The following FHOD3 variants were observed in gnomAD, a reference collection of about 807,000 sequenced individuals.
The protein encoded by FHOD3 is FH1/FH2 domain-containing protein 3.
In FHOD3, 90 loss-of-function variants were observed where a neutral mutation model predicts 173.0. The observed-to-expected ratio is 0.52, with a 90% CI of 0.44 to 0.62. The LOEUF (loss-of-function observed/expected upper bound fraction) is 0.62. Ranked by LOEUF, FHOD3 falls within the 20% of genes least tolerant of loss-of-function variation. The pLI is 0.00. For synonymous variants in FHOD3, 828 were observed against 823.0 expected, an observed-to-expected ratio of 1.01 and a Z score of -0.10; for missense variants, 1,945 against 2,034.7, an observed-to-expected ratio of 0.96 and a Z score of 0.85.
intron 3 of FHOD3, among the ~76,000 whole-genome samples, chr18:36,448,404 T>C (rs751202822): frequency 2.2e-4 from 34 of 152,202 alleles, no homozygotes; most frequent in Non-Finnish European, 4.3e-4. Context: ...GTCACACATT[T>C]ATTTTAACAA....
intron 23 of FHOD3, 47 bp downstream of exon 23, chr18:36,744,240 C>G (rs376601445): frequency 6.4e-7 from 1 of 1,573,524 alleles, no homozygotes; most frequent in South Asian, 1.2e-5. Context: ...GCTGCAGCCA[C>G]GGGATCTTTA....
chr18:36,718,034 G>A lies in FHOD3; in HGVS notation c.2736G>A (p.Leu912=), dbSNP rs1407224791. 6.2e-6 allele frequency: 10 copies of A among 1,605,318 alleles called. No individual in the cohort carries two copies. Among genetic ancestry groups the A allele is most frequent in the African/African-American group, 1.3e-5 (1 of 74,796 alleles). The change falls in exon 19 of 29, where the codon CTG becomes CTA. Residue 912 remains leucine (L), a synonymous_variant. Coordinates refer to ENST00000590592, the MANE Select transcript of FHOD3 (RefSeq NM_001281740.3). ...GCCTTGCTACCAGGATATCCACCCT[G>A]CAGGCCAACTCTCAGACCCAGGATG... ...VASLATRIST[L]QANSQTQDES...
chr18:36,508,348 G>A (rs1397911018), intron 4 of FHOD3, among the ~76,000 whole-genome samples: 1 of 151,910 alleles, frequency 6.6e-6, no homozygotes, highest in Non-Finnish European at 1.5e-5. Context: ...ATTGTGGTCT[G>A]AAACACCAAA....
chr18:36,757,472 T>A (rs1460111887), intron 25 of FHOD3, among the ~76,000 whole-genome samples: 1 of 152,192 alleles, frequency 6.6e-6, no homozygotes, highest in Non-Finnish European at 1.5e-5. Flanking sequence ...ATAACCTGGT[T>A]AAAAATGGCA....
At chr18:36,744,573 C>G (rs553154029) in intron 23 of FHOD3, among the ~76,000 whole-genome samples, 2 of 152,330 alleles carry the variant, frequency 1.3e-5, no homozygotes, top group African/African-American at 4.8e-5. Flanking sequence ...CCTGAGATGT[C>G]CATAGGACCT....
intron 28 of FHOD3, among the ~76,000 whole-genome samples, chr18:36,776,538 T>C (rs2043668090): frequency 6.6e-6 from 1 of 152,236 alleles, no homozygotes; most frequent in South Asian, 2.1e-4. Flanking sequence ...GATTCTCAGG[T>C]ATTTTTCATT....
chr18:36,298,569 A>C (rs549788607), intron 1 of FHOD3, among the ~76,000 whole-genome samples: 4 of 152,232 alleles, frequency 2.6e-5, no homozygotes, highest in African/African-American at 9.6e-5. Flanking sequence ...CCGGCCGCAC[A>C]CTGCGATAGC....
At chr18:36,400,176 T>A (rs888500553) in intron 3 of FHOD3, among the ~76,000 whole-genome samples, 1 of 152,192 alleles carries the variant, frequency 6.6e-6, no homozygotes, top group African/African-American at 2.4e-5. Flanking sequence ...TTTTGTATGT[T>A]TGTAGAGCCA....
intron 4 of FHOD3, among the ~76,000 whole-genome samples, chr18:36,510,967 C>G (rs906058047): frequency 1.3e-5 from 2 of 152,096 alleles, no homozygotes; most frequent in Admixed American, 6.5e-5. Flanking sequence ...ACCTGGTCCC[C>G]CATCCATATA....
chr18:36,761,215 A>G (rs1401254690), intron 27 of FHOD3, among the ~76,000 whole-genome samples: 1 of 152,204 alleles, frequency 6.6e-6, no homozygotes, highest in African/African-American at 2.4e-5. Flanking sequence ...AACATCTACT[A>G]CACAGGACAA....
chr18:36,610,365 A>G (rs2032546287), intron 8 of FHOD3, among the ~76,000 whole-genome samples: 1 of 152,208 alleles, frequency 6.6e-6, no homozygotes, highest in Admixed American at 6.5e-5. Context: ...CAATTTTTCA[A>G]TCAATGTTGG....
At chr18:36,428,230 G>A (rs776438153) in intron 3 of FHOD3, among the ~76,000 whole-genome samples, 2 of 152,062 alleles carry the variant, frequency 1.3e-5, no homozygotes, top group African/African-American at 2.4e-5. Context: ...GACTCCCCAA[G>A]CAGATGATAA....
intron 3 of FHOD3, among the ~76,000 whole-genome samples, chr18:36,491,876 C>T (rs2054492602): frequency 6.6e-6 from 1 of 152,054 alleles, no homozygotes; most frequent in African/African-American, 2.4e-5. Context: ...GTATCCTTAC[C>T]TTCTATGGGT....
chr18:36,444,192 C>CAAA (rs71168225), intron 3 of FHOD3, among the ~76,000 whole-genome samples: 41 of 87,560 alleles, frequency 4.7e-4, no homozygotes, highest in Admixed American at 1.1e-3. Flanking sequence ...GACTCCGTCT[C>CAAA]AAAAAAAAAA....
chr18:36,391,956 TG>T (rs2048321616), intron 3 of FHOD3, among the ~76,000 whole-genome samples: 1 of 152,196 alleles, frequency 6.6e-6, no homozygotes. Flanking sequence ...ACAGCTGAGA[TG>T]GGGCATGTAA....
intron 14 of FHOD3, among the ~76,000 whole-genome samples, chr18:36,670,025 G>GTT (rs140772186): frequency 1.0e-4 from 15 of 150,154 alleles, no homozygotes; most frequent in African/African-American, 2.2e-4. Flanking sequence ...AGTTGATAGC[G>GTT]TTTTTTTTTC....
intron 14 of FHOD3, among the ~76,000 whole-genome samples, chr18:36,659,087 C>A (rs1005529181): frequency 1.3e-5 from 2 of 152,158 alleles, no homozygotes; most frequent in Non-Finnish European, 2.9e-5. Flanking sequence ...AAGCAACCTG[C>A]GTTCCACATT....
intron 16 of FHOD3, among the ~76,000 whole-genome samples, chr18:36,689,009 G>A (rs2038799689): frequency 6.6e-6 from 1 of 152,162 alleles, no homozygotes; most frequent in African/African-American, 2.4e-5. Context: ...GCCCACTGTG[G>A]GATTCTTCCC....
At chr18:36,491,109 G>A (rs1487961416) in intron 3 of FHOD3, among the ~76,000 whole-genome samples, 2 of 152,132 alleles carry the variant, frequency 1.3e-5, no homozygotes, top group South Asian at 4.1e-4. Context: ...ACAGATAAGC[G>A]ATGATTCATG....
Sources: allele counts gnomAD v4.1 joint callset (sites outside exome capture counted in the v4.1 genomes callset), GRCh38; gene constraint gnomAD v4.1.1; transcripts MANE v1.5; gene names NCBI Gene and HGNC (gene_info 2026-07-23, HGNC 2026-07-21).